The following PNISR variants were observed in gnomAD, a reference collection of about 807,000 sequenced individuals.
The protein encoded by PNISR is arginine/serine-rich protein PNISR.
PNISR carries 20 observed loss-of-function variants against 93.4 expected under a neutral mutation model. That is an observed-to-expected ratio of 0.21 (90% CI 0.15 to 0.31). The LOEUF is 0.31. Ranked by LOEUF, PNISR falls within the 10% of genes least tolerant of loss-of-function variation. The pLI, the probability that PNISR is intolerant of heterozygous loss-of-function variation, is 1.00. For missense variants in PNISR, 893 were observed against 985.4 expected (o/e 0.91, Z 1.25); for synonymous variants, 305 against 306.5 (o/e 0.99, Z 0.05).
At chr6:99,416,509 G>A (rs1045783305) in intron 1 of PNISR, 81 bp from the exon 2 acceptor site, 2 of 436,444 alleles carry the variant, frequency 4.6e-6, no homozygotes, top group Non-Finnish European at 3.8e-6. Context: ...CAACATAAGT[G>A]TGATCATCTC....
intron 3 of PNISR, 43 bp from the exon 4 acceptor site, chr6:99,412,782 G>A: frequency 1.6e-6 from 2 of 1,242,360 alleles, no homozygotes; most frequent in Middle Eastern, 3.9e-4. Flanking sequence ...GAATGTAGGA[G>A]TTAAAAGAAT....
intron 11 of PNISR, among the ~76,000 whole-genome samples, chr6:99,401,835 T>C (rs1330734613): frequency 6.6e-6 from 1 of 152,182 alleles, no homozygotes; most frequent in Non-Finnish European, 1.5e-5. Context: ...ACCAAAAATA[T>C]TATCATTTCA....
chr6:99,417,152 T>C (rs1777808383), intron 1 of PNISR, among the ~76,000 whole-genome samples: 1 of 152,224 alleles, frequency 6.6e-6, no homozygotes, highest in African/African-American at 2.4e-5. Context: ...ACTCATATAA[T>C]ACAGACATTA....
Position 99,400,620 on chromosome 6 carries a change from G to T in PNISR, c.2338C>A (p.Arg780=). 6.2e-7 allele frequency: 1 copy of T among 1,614,036 alleles called. No individual in the cohort carries two copies. The highest frequency in any genetic ancestry group is 1.1e-5 in the South Asian group (1 of 91,076). Residue 780 remains arginine, a synonymous_variant, in exon 12 of 12, where the codon CGA becomes AGA. Coordinates refer to ENST00000369239, the MANE Select transcript of PNISR (RefSeq NM_032870.4). ...TGAGATTTCTCCACGGATCGCGATC[G>T]ACTATGTTTAGGCTTCTTAGCCTTC... ...EKKAKKPKHS[R]SRSVEKSQRS... is the part of the protein sequence containing the mutation.
chr6:99,404,375 G>A, intron 9 of PNISR: 4 of 515,966 alleles, frequency 7.8e-6, no homozygotes, highest in Non-Finnish European at 1.4e-5. Flanking sequence ...ATACATTTTA[G>A]AGGAAAACAG....
Position 99,413,832 on chromosome 6 carries a change from GCAA to G in PNISR, c.88+737_88+739del, listed in dbSNP as rs796371213. ...CATAACCCCTATGGGGTTACACATG[GCAA>G]TGTGCACCTGAAATTACCGTGACTT... On this transcript the variant is annotated intron_variant, in intron 3 of 11. Transcript: ENST00000369239. 1.7e-3 allele frequency among the ~76,000 whole-genome samples: 264 copies of G among 152,272 alleles called. 1 individual carries two copies. The highest frequency in any genetic ancestry group is 6.1e-3 in the African/African-American group (254 of 41,560).
chr6:99,400,859 T>G lies in PNISR; in HGVS notation c.2099A>C (p.Lys700Thr). 1 of 1,598,940 alleles carries G rather than the reference T, an allele frequency of 6.3e-7. No homozygotes were observed. Among genetic ancestry groups the G allele is most frequent in the Non-Finnish European group, 8.5e-7 (1 of 1,171,132 alleles). Reference protein sequence around the residue: ...KRKEKQKREEKDFKFSSQDDR... With the variant: ...KRKEKQKREETDFKFSSQDDR... ...ATCCTGACTACTGAACTTAAAATCT[T>G]TTTCTTCCCTTTTTTGTTTCTCTTT... Residue 700 changes from lysine (K) to threonine (T), a missense_variant, in exon 12 of 12, where the codon AAA (lysine) becomes ACA (threonine). Physicochemically the swap from Lys to Thr is moderately conservative, Grantham distance 78. This residue lies in a region of PNISR where 866 missense variants were observed against 935.1 expected (regional missense o/e 0.93). Coordinates refer to ENST00000369239, the MANE Select transcript of PNISR (RefSeq NM_032870.4).
chr6:99,414,765 TATG>T (rs1248669337), intron 2 of PNISR, 75 bp from the exon 3 acceptor site: 1 of 629,416 alleles, frequency 1.6e-6, no homozygotes, highest in Non-Finnish European at 2.6e-6. Context: ...GAAATTATTA[TATG>T]ATGATACATT....
At chr6:99,418,463 A>C (rs1371028480) in intron 1 of PNISR, among the ~76,000 whole-genome samples, 2 of 147,992 alleles carry the variant, frequency 1.4e-5, no homozygotes, top group African/African-American at 5.0e-5. Context: ...AAAAAAAAAA[A>C]GTTTTCCTAT....
chr6:99,413,446 G>A (rs991909380), intron 3 of PNISR, among the ~76,000 whole-genome samples: 6 of 149,366 alleles, frequency 4.0e-5, no homozygotes, highest in African/African-American at 1.5e-4. Context: ...ATTCATCCAT[G>A]ATCCATCCAT....
intron 1 of PNISR, among the ~76,000 whole-genome samples, chr6:99,422,890 A>AAAC (rs1217934248): frequency 1.3e-5 from 2 of 151,648 alleles, no homozygotes; most frequent in African/African-American, 2.4e-5. Flanking sequence ...AAAAAAAAAA[A>AAAC]AAAAAAAAAC....
At chr6:99,413,547 A>G (rs1777263763) in intron 3 of PNISR, among the ~76,000 whole-genome samples, 1 of 151,958 alleles carries the variant, frequency 6.6e-6, no homozygotes, top group Non-Finnish European at 1.5e-5. Context: ...GCTGGCCTCA[A>G]ACTCCTGAGC....
At chr6:99,404,317 A>C (rs1775868110) in intron 9 of PNISR, 1 of 430,772 alleles carries the variant, frequency 2.3e-6, no homozygotes, top group Admixed American at 3.9e-5. Context: ...CATGTTATCT[A>C]TTAAAAAAAA....
intron 1 of PNISR, among the ~76,000 whole-genome samples, chr6:99,418,562 C>T (rs545941763): frequency 2.6e-5 from 4 of 152,008 alleles, no homozygotes; most frequent in Admixed American, 6.6e-5. Flanking sequence ...GCCACTTCTA[C>T]TTTTGCTATA....
rs1406246927 is a variant in PNISR, at chr6:99,401,557, T to C, written c.1401A>G (p.Ser467=). ...CGTCTGCTTCTCTTGCTTCTAGTAGTGATAAACTATTTTGCTCTTTATGGA... is the reference window on the plus strand; with the variant it reads ...CGTCTGCTTCTCTTGCTTCTAGTAGCGATAAACTATTTTGCTCTTTATGGA... ...EFIHKEQNSL[S]LLEAREADGD... is the part of the protein sequence containing the mutation. Residue 467 remains serine, a synonymous_variant, in exon 12 of 12, where the codon TCA becomes TCG. Transcript: ENST00000369239. 3 of 1,600,796 alleles carry C rather than the reference T, an allele frequency of 1.9e-6. No individual in the cohort carries two copies. Among genetic ancestry groups the C allele is most frequent in the South Asian group, 1.1e-5 (1 of 87,918 alleles).
At chr6:99,425,126 A>C (rs761017780) in intron 1 of PNISR, 89 bp downstream of exon 1, 1 of 893,956 alleles carries the variant, frequency 1.1e-6, no homozygotes, top group African/African-American at 1.7e-5. Flanking sequence ...TACGCAGCCT[A>C]TTTTAAGTTA....
intron 7 of PNISR, among the ~76,000 whole-genome samples, chr6:99,406,465 G>A (rs2128482398): frequency 6.6e-6 from 1 of 152,168 alleles, no homozygotes; most frequent in South Asian, 2.1e-4. Context: ...AATGCCCAGA[G>A]ACTGATTTAA....
chr6:99,403,967 C>G (rs1216935679), intron 9 of PNISR, 85 bp from the exon 10 acceptor site: 2 of 880,430 alleles, frequency 2.3e-6, no homozygotes, highest in Non-Finnish European at 3.7e-6. Flanking sequence ...ATTGTTAAAT[C>G]TACTACTATT....
At position 99,409,206 on chromosome 6, in the gene PNISR, C is replaced by T. The variant is rs368901692; in HGVS notation, c.640G>A (p.Ala214Thr). The T allele has an allele frequency of 9.3e-6, 15 of 1,613,822 alleles. No individual in the cohort carries two copies. The highest frequency in any genetic ancestry group is 1.3e-5 in the Non-Finnish European group (15 of 1,179,934). ...SFRDRQRSPI[A>T]LPVKQEPPQI... ...GGAGGCTCCTGCTTCACAGGAAGTG[C>T]AATAGGTGAACGCTGACGATCCCTG... The change falls in exon 6 of 12, where the codon GCA becomes ACA. Residue 214 changes from alanine (A) to threonine (T), a missense_variant. Physicochemically the swap from Ala to Thr is moderately conservative, Grantham distance 58 (BLOSUM62 0). This residue lies in a region of PNISR where 866 missense variants were observed against 935.1 expected (regional missense o/e 0.93). Transcript: ENST00000369239.
Sources: gnomAD v4.1 joint callset for allele counts (sites outside exome capture counted in the v4.1 genomes callset) on GRCh38, gnomAD v4.1.1 for gene constraint, gnomAD v4.1.1 regional missense constraint, MANE v1.5 for transcripts, NCBI Gene and HGNC (gene_info 2026-07-23, HGNC 2026-07-21) for gene names.